The following RBM47 variants were observed in gnomAD, a reference collection of about 807,000 sequenced individuals.
The protein encoded by RBM47 is RNA-binding protein 47.
RBM47 carries 21 observed loss-of-function variants against 47.1 expected under a neutral mutation model. That is an observed-to-expected ratio of 0.45 (90% CI 0.32 to 0.64). The LOEUF is 0.64. RBM47 is among the 30% of genes least tolerant of loss of function. RBM47 has a pLI of 0.05. For synonymous variants in RBM47, 375 were observed against 361.7 expected (o/e 1.04, Z -0.42); for missense variants, 708 against 870.9 (o/e 0.81, Z 2.35).
chr4:40,438,887 C>G lies in RBM47; in HGVS notation c.7G>C (p.Ala3Pro), dbSNP rs1351587166. 1.3e-6 allele frequency: 2 copies of G among 1,549,398 alleles called. No individual in the cohort carries two copies. The highest frequency in any genetic ancestry group is 3.8e-5 in the Admixed American group (2 of 52,218). Residue 3 changes from alanine (A) to proline (P), a missense_variant, in exon 4 of 7, where the codon GCA becomes CCA. Physicochemically the swap from Ala to Pro is conservative, Grantham distance 27. Coordinates refer to ENST00000295971, the MANE Select transcript of RBM47 (RefSeq NM_001098634.2). ...CTCATGGCTGCGGTGGAATCCTCTG[C>G]GGTCATAATGTCAAAGGCATCCACA... Reference protein sequence around the residue: MTAEDSTAAMSSD... With the variant: MTPEDSTAAMSSD...
At chr4:40,520,423 T>C (rs1354995550) in intron 2 of RBM47, among the ~76,000 whole-genome samples, 1 of 152,204 alleles carries the variant, frequency 6.6e-6, no homozygotes, top group East Asian at 1.9e-4. Context: ...AATGTGTCTC[T>C]GGGGAGTGCT....
intron 2 of RBM47, among the ~76,000 whole-genome samples, chr4:40,496,329 AACACACACACACACACAC>A (rs10597716): frequency 2.0e-4 from 26 of 129,244 alleles, no homozygotes; most frequent in Non-Finnish European, 3.4e-4. Context: ...GGAGAACTTA[AACACACACACACACACAC>A]ACACACACAC....
At chr4:40,534,141 T>A (rs767409356) in intron 2 of RBM47, among the ~76,000 whole-genome samples, 57 of 152,058 alleles carry the variant, frequency 3.7e-4, no homozygotes, top group Middle Eastern at 3.4e-3. Flanking sequence ...TTAATTTATT[T>A]TTTTTTTAGA....
chr4:40,618,600 G>A (rs1736956590), intron 1 of RBM47, among the ~76,000 whole-genome samples: 1 of 151,630 alleles, frequency 6.6e-6, no homozygotes, highest in Non-Finnish European at 1.5e-5. Flanking sequence ...CACGAGGTCA[G>A]GAGGTCGAGA....
chr4:40,593,883 C>CA (rs34280289), intron 1 of RBM47, among the ~76,000 whole-genome samples: 31,408 of 116,168 alleles, frequency 0.27, 4,517 homozygotes, highest in Admixed American at 0.32. Flanking sequence ...GACTCTGTCT[C>CA]AAAAAAAAAA....
chr4:40,504,947 G>A (rs1723889589), intron 2 of RBM47, among the ~76,000 whole-genome samples: 1 of 151,564 alleles, frequency 6.6e-6, no homozygotes, highest in African/African-American at 2.4e-5. Flanking sequence ...ACAAAAAATT[G>A]TTGTTTGTAT....
chr4:40,579,262 A>C (rs1732639005), intron 1 of RBM47, among the ~76,000 whole-genome samples: 3 of 151,278 alleles, frequency 2.0e-5, no homozygotes, highest in African/African-American at 7.3e-5. Context: ...CTCTACTAAA[A>C]ATACAAAAAA....
At position 40,445,012 on chromosome 4, in the gene RBM47, T is replaced by C. The variant is rs375372243; in HGVS notation, c.-31-6088A>G. Among the ~76,000 whole-genome samples, 125 of 150,922 alleles carry C rather than the reference T, an allele frequency of 8.3e-4. 1 individual carries two copies. The highest frequency in any genetic ancestry group is 4.4e-3 in the Admixed American group (67 of 15,142). ...TTGTTTGGCCGGGCGCGGTGGCTCA[T>C]GCCTGTAATCCCAGCACTTTGGGAG... On this transcript the variant is annotated intron_variant, in intron 3 of 6. Transcript: ENST00000295971.
chr4:40,583,792 A>G (rs1032786400), intron 1 of RBM47, among the ~76,000 whole-genome samples: 1 of 149,088 alleles, frequency 6.7e-6, no homozygotes, highest in African/African-American at 2.5e-5. Context: ...CGGGAGGCAG[A>G]GCTTGCAGTG....
chr4:40,621,599 G>A (rs752204721), intron 1 of RBM47, among the ~76,000 whole-genome samples: 1 of 152,198 alleles, frequency 6.6e-6, no homozygotes, highest in Non-Finnish European at 1.5e-5. Flanking sequence ...AAAAGAGATA[G>A]TTAAGAAAAT....
At position 40,529,753 on chromosome 4, in the gene RBM47, C is replaced by T. The variant is rs574959754; in HGVS notation, c.-155+14669G>A. Among the ~76,000 whole-genome samples, 37 of 145,156 alleles carry T rather than the reference C, an allele frequency of 2.5e-4. 1 individual carries two copies. The highest frequency in any genetic ancestry group is 4.4e-4 in the Non-Finnish European group (29 of 66,256). On this transcript the variant is annotated intron_variant, in intron 2 of 6. Coordinates refer to ENST00000295971, the MANE Select transcript of RBM47 (RefSeq NM_001098634.2). ...CTGAAACAGGAGAATTGCCTGAACC[C>T]GGAAGGCGGAGGTTGCAGTGAGCCG...
intron 2 of RBM47, among the ~76,000 whole-genome samples, chr4:40,509,947 G>C (rs1724701319): frequency 6.6e-6 from 1 of 151,772 alleles, no homozygotes; most frequent in African/African-American, 2.4e-5. Flanking sequence ...AGCACTTTGG[G>C]AGGCTGAGGG....
chr4:40,617,656 G>A (rs1327266103), intron 1 of RBM47, among the ~76,000 whole-genome samples: 1 of 150,672 alleles, frequency 6.6e-6, no homozygotes, highest in Non-Finnish European at 1.5e-5. Context: ...ATATATACAT[G>A]TACTTTATAT....
chr4:40,501,344 G>A (rs559822574), intron 2 of RBM47, among the ~76,000 whole-genome samples: 1 of 152,340 alleles, frequency 6.6e-6, no homozygotes, highest in Admixed American at 6.5e-5. Flanking sequence ...GGATTGGTAT[G>A]CAAAACCCAT....
At chr4:40,623,345 G>A (rs562006591) in intron 1 of RBM47, among the ~76,000 whole-genome samples, 1 of 152,312 alleles carries the variant, frequency 6.6e-6, no homozygotes, top group East Asian at 1.9e-4. Flanking sequence ...GATTTCACTA[G>A]AGGCAATTCT....
chr4:40,618,936 C>T (rs1039462286), intron 1 of RBM47, among the ~76,000 whole-genome samples: 1 of 151,768 alleles, frequency 6.6e-6, no homozygotes, highest in Non-Finnish European at 1.5e-5. Flanking sequence ...AACTTGTTTT[C>T]CCCCAGTCTC....
At chr4:40,554,844 C>A (rs1288371399) in intron 1 of RBM47, among the ~76,000 whole-genome samples, 1 of 151,706 alleles carries the variant, frequency 6.6e-6, no homozygotes, top group Admixed American at 6.6e-5. Context: ...TTGCTGCAAC[C>A]TCCACCTCCA....
intron 4 of RBM47, chr4:40,436,938 C>T (rs878924104): frequency 3.4e-5 from 17 of 494,606 alleles, no homozygotes; most frequent in South Asian, 3.1e-5. Context: ...CCCCCTCCCC[C>T]CCGCCAAAAA....
At chr4:40,590,978 T>G (rs1464779340) in intron 1 of RBM47, among the ~76,000 whole-genome samples, 1 of 152,192 alleles carries the variant, frequency 6.6e-6, no homozygotes, top group African/African-American at 2.4e-5. Flanking sequence ...AATTTTTGTA[T>G]TTTTAGTAGA....
Sources: allele counts gnomAD v4.1 joint callset (sites outside exome capture counted in the v4.1 genomes callset), GRCh38; gene constraint gnomAD v4.1.1; transcripts MANE v1.5; gene names NCBI Gene and HGNC (gene_info 2026-07-23, HGNC 2026-07-21).